PCDHGB1: variants seen among roughly 807,000 people sequenced by gnomAD.
The protein encoded by PCDHGB1 is protocadherin gamma-B1.
PCDHGB1 carries 34 observed loss-of-function variants against 56.6 expected under a neutral mutation model. The observed-to-expected ratio is 0.60, with a 90% CI of 0.46 to 0.80. The LOEUF (loss-of-function observed/expected upper bound fraction) is 0.80, where lower values mean the gene tolerates loss of function less well. Ranked by LOEUF, PCDHGB1 falls within the 30% of genes least tolerant of loss-of-function variation. The pLI, the probability that PCDHGB1 is intolerant of heterozygous loss-of-function variation, is 0.00. For missense variants in PCDHGB1, 1,278 were observed against 1,204.6 expected (o/e 1.06, Z -0.90); for synonymous variants, 561 against 505.9 (o/e 1.11, Z -1.46).
chr5:141,422,317 G>A (rs1266672163), intron 1 of PCDHGB1: 2 of 1,548,092 alleles, frequency 1.3e-6, no homozygotes, highest in Non-Finnish European at 1.7e-6. Context: ...CTCTCCTCCA[G>A]GTACAGTGAT....
intron 1 of PCDHGB1, chr5:141,411,226 C>G (rs781690096): frequency 6.6e-6 from 1 of 151,996 alleles, no homozygotes; most frequent in South Asian, 2.1e-4. Flanking sequence ...TTCAAATTTG[C>G]GAAGACTTAG....
In PCDHGB1 at chr5:141,364,165, C is replaced by A. The variant is rs556224229; in HGVS notation, c.2409+11496C>A. ...GGAAAGAAGCTGCCGCAGAGGCGAC[C>A]CGACTCTGCTCCCTCCATACTAAAC... On this transcript the variant is annotated intron_variant, in intron 1 of 3. Coordinates refer to ENST00000523390, the MANE Select transcript of PCDHGB1 (RefSeq NM_018922.3). The A allele has an allele frequency of 4.3e-6, 3 of 699,866 alleles. No individual in the cohort carries two copies. In the Admixed American group the frequency reaches 1.1e-4, roughly 26 times the overall value. 43.4% of individuals were successfully genotyped at this position (699,866 alleles called of 1,614,324 possible).
chr5:141,371,961 G>A (rs532361069), intron 1 of PCDHGB1: 18 of 1,613,240 alleles, frequency 1.1e-5, no homozygotes, highest in African/African-American at 2.7e-5. Context: ...CTTCGACCAC[G>A]AGCAGCTGCG....
intron 1 of PCDHGB1, chr5:141,372,262 C>T (rs1288257660): frequency 6.2e-7 from 1 of 1,613,106 alleles, no homozygotes; most frequent in Non-Finnish European, 8.5e-7. Flanking sequence ...GGCCTGCGCA[C>T]GGGTGAGGTG....
intron 1 of PCDHGB1, chr5:141,366,664 G>C: frequency 6.2e-7 from 1 of 1,614,236 alleles, no homozygotes; most frequent in Non-Finnish European, 8.5e-7. Context: ...ACGCAGACAC[G>C]CTCCTTAGTG....
chr5:141,393,752 AT>A, intron 1 of PCDHGB1: 1 of 1,613,942 alleles, frequency 6.2e-7, no homozygotes, highest in Non-Finnish European at 8.5e-7. Flanking sequence ...AAGAATGTTC[AT>A]TTTATGAAAT....
At chr5:141,382,762 C>T in intron 1 of PCDHGB1, 1 of 690,986 alleles carries the variant, frequency 1.4e-6, no homozygotes, top group Non-Finnish European at 2.4e-6. Context: ...AAGCCCTCTT[C>T]CAGGCTGCAC....
Position 141,476,017 on chromosome 5 carries a change from G to C in PCDHGB1, c.2410-18790G>C. The C allele has an allele frequency of 1.5e-6, 2 of 1,369,942 alleles. No individual in the cohort carries two copies. The highest frequency in any genetic ancestry group is 2.0e-6 in the Non-Finnish European group (2 of 1,015,658). The allele number at this position is 1,369,942 out of a possible 1,614,324, so 84.9% of individuals were successfully genotyped here. A position where few individuals can be genotyped will look rare whatever the true frequency, so the allele number is the denominator to read the frequency against. On this transcript the variant is annotated intron_variant, in intron 1 of 3. Coordinates refer to ENST00000523390, the MANE Select transcript of PCDHGB1 (RefSeq NM_018922.3). This position sits in a 1 kb window ranked among gnomAD's most constrained non-coding sequence, Gnocchi z 7.6. ...CAACGGCATCCAGAAAGCCATGTCG[G>C]ACTCGGCGCCCAGCGCCCAAGCGCT...
At chr5:141,450,730 G>A (rs1046738914) in intron 1 of PCDHGB1, among the ~76,000 whole-genome samples, 10 of 152,024 alleles carry the variant, frequency 6.6e-5, no homozygotes, top group Non-Finnish European at 1.2e-4. Flanking sequence ...CAGGTGATCC[G>A]CCCGCCTTGG....
At chr5:141,398,905 A>C in intron 1 of PCDHGB1, 1 of 1,613,984 alleles carries the variant, frequency 6.2e-7, no homozygotes, top group Non-Finnish European at 8.5e-7. Context: ...ACCAGGCACC[A>C]CTGTGTTGCA....
intron 1 of PCDHGB1, chr5:141,362,191 G>C: frequency 6.2e-7 from 1 of 1,614,010 alleles, no homozygotes; most frequent in Non-Finnish European, 8.5e-7. Flanking sequence ...TGACCCCCAG[G>C]CAAAACTGCA....
chr5:141,444,920 G>A (rs2098451595), intron 1 of PCDHGB1, among the ~76,000 whole-genome samples: 1 of 152,110 alleles, frequency 6.6e-6, no homozygotes, highest in Non-Finnish European at 1.5e-5. Context: ...ACCTTTATCA[G>A]GGAAAGAGGG....
intron 1 of PCDHGB1, chr5:141,374,156 G>A: frequency 6.2e-7 from 1 of 1,612,230 alleles, no homozygotes; most frequent in Non-Finnish European, 8.5e-7. Context: ...GACGCTGTGG[G>A]GGGCCGCGGC....
intron 1 of PCDHGB1, chr5:141,414,836 T>C: frequency 6.2e-7 from 1 of 1,614,222 alleles, no homozygotes; most frequent in Non-Finnish European, 8.5e-7. Context: ...TCGTTGAGCC[T>C]GTTTGTGCTG....
chr5:141,361,091 T>C (rs1409498105), intron 1 of PCDHGB1: 3 of 1,613,898 alleles, frequency 1.9e-6, no homozygotes, highest in Non-Finnish European at 2.5e-6. Flanking sequence ...ACTCTGAGTA[T>C]CGAAGCAAAA....
At chr5:141,507,429 G>C (rs1191174823) in intron 3 of PCDHGB1, 3 of 152,238 alleles carry the variant, frequency 2.0e-5, no homozygotes, top group African/African-American at 7.2e-5. Flanking sequence ...AGTGGGGCCA[G>C]GCCTACAGCT....
intron 2 of PCDHGB1, 147 bp from the exon 3 acceptor site, chr5:141,505,246 G>A (rs2099844792): frequency 2.1e-6 from 3 of 1,436,556 alleles, no homozygotes; most frequent in African/African-American, 1.4e-5. Flanking sequence ...AAGGATTGTA[G>A]AAGTGCCTCC....
chr5:141,494,909 T>G (rs764123148), intron 2 of PCDHGB1, 44 bp downstream of exon 2: 1 of 1,614,042 alleles, frequency 6.2e-7, no homozygotes, highest in Admixed American at 1.7e-5. Flanking sequence ...CTGCGGCATT[T>G]TCTCAGGGAT....
intron 1 of PCDHGB1, chr5:141,404,534 T>A: frequency 6.2e-7 from 1 of 1,613,954 alleles, no homozygotes; most frequent in Non-Finnish European, 8.5e-7. Context: ...GTTTAGAGAT[T>A]TGCAAATGCA....
Sources: gnomAD v4.1 joint callset for allele counts (sites outside exome capture counted in the v4.1 genomes callset) on GRCh38, gnomAD v4.1.1 for gene constraint, Gnocchi (gnomAD v3.1) non-coding constraint, MANE v1.5 for transcripts, NCBI Gene and HGNC (gene_info 2026-07-23, HGNC 2026-07-21) for gene names.